The following FHIT variants were observed in gnomAD, a reference collection of about 807,000 sequenced individuals.
FHIT encodes fragile histidine triad diadenosine triphosphatase.
Under a neutral mutation model 17.9 loss-of-function variants are expected in FHIT, and 19 were observed. The ratio of observed to expected loss-of-function variants is 1.06; its 90% CI spans 0.74 to 1.56. The LOEUF is 1.56. FHIT is among the 40% of genes most tolerant of loss of function. FHIT has a pLI of 0.00. For missense variants in FHIT, 248 were observed against 189.2 expected (o/e 1.31, Z -1.82); for synonymous variants, 81 against 69.7 (o/e 1.16, Z -0.81).
rs1190446323 is a variant in FHIT at position 60,295,976 on chromosome 3, T to C, written c.103+240884A>G. Among the ~76,000 whole-genome samples the C allele has an allele frequency of 2.0e-5, 3 of 152,096 alleles. No individual in the cohort carries two copies. The East Asian group carries it at 5.8e-4, about 29-fold the overall frequency. ...ATCACGGGGGTAGTTTCCCTCATAC[T>C]GTTCTTGTGATAGTGAAGAAGTCTC... On this transcript the variant is annotated intron_variant, in intron 5 of 9. Coordinates refer to ENST00000492590, the MANE Select transcript of FHIT (RefSeq NM_002012.4).
At chr3:60,676,388 C>G (rs1317043666) in intron 4 of FHIT, among the ~76,000 whole-genome samples, 1 of 152,180 alleles carries the variant, frequency 6.6e-6, no homozygotes, top group Non-Finnish European at 1.5e-5. Flanking sequence ...AGGCTGCAAT[C>G]TGGAAAGGAC....
intron 4 of FHIT, among the ~76,000 whole-genome samples, chr3:60,596,484 C>G (rs1345112764): frequency 6.6e-6 from 1 of 152,158 alleles, no homozygotes; most frequent in Non-Finnish European, 1.5e-5. Context: ...GAAACATGAC[C>G]TAATCTCCAA....
rs140646577 is a variant in FHIT, at chr3:60,485,834, T to C, written c.103+51026A>G. ...CTAGAATCAAACACCTTGAAATTCCTTGAATAATTAAGGACCCACGGATTG... is the reference window on the plus strand; with the variant it reads ...CTAGAATCAAACACCTTGAAATTCCCTGAATAATTAAGGACCCACGGATTG... On this transcript the variant is annotated intron_variant, in intron 5 of 9. Transcript: ENST00000492590. Among the ~76,000 whole-genome samples, 48 of 152,296 alleles carry C rather than the reference T, an allele frequency of 3.2e-4. No individual in the cohort carries two copies. The East Asian group carries it at 6.0e-3, about 19-fold the overall frequency.
chr3:60,792,399 C>T (rs1553728792), intron 4 of FHIT, among the ~76,000 whole-genome samples: 1 of 152,212 alleles, frequency 6.6e-6, no homozygotes, highest in African/African-American at 2.4e-5. Flanking sequence ...TAAAATCATG[C>T]TGTCGACAGC....
At chr3:60,403,038 C>G (rs1404171676) in intron 5 of FHIT, among the ~76,000 whole-genome samples, 1 of 152,186 alleles carries the variant, frequency 6.6e-6, no homozygotes, top group Admixed American at 6.5e-5. Flanking sequence ...GACTGGTTCT[C>G]TGCTTTAGCA....
At chr3:60,017,546 T>C (rs1166340220) in intron 5 of FHIT, among the ~76,000 whole-genome samples, 1 of 152,242 alleles carries the variant, frequency 6.6e-6, no homozygotes. Context: ...AATCCATTGC[T>C]TGTTGGACAG....
intron 8 of FHIT, among the ~76,000 whole-genome samples, chr3:59,878,955 C>T (rs950898431): frequency 6.6e-6 from 1 of 151,996 alleles, no homozygotes; most frequent in African/African-American, 2.4e-5. Flanking sequence ...GACTGTAAAC[C>T]CTTTTTTTCT....
chr3:60,495,588 CA>C (rs746270834), intron 5 of FHIT, among the ~76,000 whole-genome samples: 3 of 151,904 alleles, frequency 2.0e-5, no homozygotes, highest in Non-Finnish European at 2.9e-5. Flanking sequence ...AAAGACCTAA[CA>C]GGGGGAAACC....
intron 8 of FHIT, among the ~76,000 whole-genome samples, chr3:59,756,986 T>C (rs1276424937): frequency 6.6e-6 from 1 of 152,196 alleles, no homozygotes; most frequent in Non-Finnish European, 1.5e-5. Context: ...GTACATAAAA[T>C]AACAGCACTT....
intron 2 of FHIT, among the ~76,000 whole-genome samples, chr3:61,091,906 C>G (rs1369704152): frequency 2.2e-5 from 3 of 133,438 alleles, no homozygotes; most frequent in Admixed American, 1.7e-4. Context: ...TGCCACTGTG[C>G]TCCAGCCTGG....
chr3:60,959,517 G>A (rs1166940306), intron 3 of FHIT, among the ~76,000 whole-genome samples: 6 of 152,178 alleles, frequency 3.9e-5, no homozygotes, highest in Non-Finnish European at 7.3e-5. Flanking sequence ...TCACTATCTT[G>A]TTGGGGAGAA....
At chr3:60,709,894 G>A (rs1553704567) in intron 4 of FHIT, among the ~76,000 whole-genome samples, 2 of 152,012 alleles carry the variant, frequency 1.3e-5, no homozygotes, top group Admixed American at 6.6e-5. Flanking sequence ...ACTTGAGTTT[G>A]CATAATTATA....
chr3:59,795,384 GA>G (rs11315084), intron 8 of FHIT, among the ~76,000 whole-genome samples: 80,010 of 145,006 alleles, frequency 0.55, 23,439 homozygotes, highest in Middle Eastern at 0.69. Flanking sequence ...ACCCTGTCTC[GA>G]AAAAAAAAAA....
chr3:60,173,786 G>A (rs1701523319), intron 5 of FHIT, among the ~76,000 whole-genome samples: 2 of 149,332 alleles, frequency 1.3e-5, no homozygotes, highest in Non-Finnish European at 3.0e-5. Context: ...TCCCTCAGCA[G>A]AGAAAATCGA....
At chr3:59,852,097 G>A (rs1267423924) in intron 8 of FHIT, among the ~76,000 whole-genome samples, 1 of 152,070 alleles carries the variant, frequency 6.6e-6, no homozygotes, top group Non-Finnish European at 1.5e-5. Flanking sequence ...ATCATTCAAG[G>A]TATGGTGGAG....
intron 8 of FHIT, among the ~76,000 whole-genome samples, chr3:59,852,778 T>C (rs943286489): frequency 1.3e-5 from 2 of 152,232 alleles, no homozygotes; most frequent in Admixed American, 6.5e-5. Flanking sequence ...TCATGGAGCA[T>C]GCAGCCTCTT....
chr3:60,743,113 A>G (rs1212312787), intron 4 of FHIT, among the ~76,000 whole-genome samples: 1 of 151,792 alleles, frequency 6.6e-6, no homozygotes, highest in African/African-American at 2.4e-5. Flanking sequence ...CTGGCTTCGG[A>G]CACAGTGCTG....
intron 4 of FHIT, among the ~76,000 whole-genome samples, chr3:60,744,119 A>G (rs1454860735): frequency 6.6e-6 from 1 of 152,002 alleles, no homozygotes; most frequent in Non-Finnish European, 1.5e-5. Context: ...ACCTGAGACC[A>G]CAAAAGCTAC....
chr3:60,725,429 T>C (rs1446860037), intron 4 of FHIT, among the ~76,000 whole-genome samples: 1 of 152,168 alleles, frequency 6.6e-6, no homozygotes, highest in East Asian at 1.9e-4. Flanking sequence ...AGCTTTTCCA[T>C]TTAGGACTTT....
Sources: gnomAD v4.1 joint callset for allele counts (sites outside exome capture counted in the v4.1 genomes callset) on GRCh38, gnomAD v4.1.1 for gene constraint, MANE v1.5 for transcripts, NCBI Gene and HGNC (gene_info 2026-07-23, HGNC 2026-07-21) for gene names.